BNC2: variants seen among roughly 807,000 people sequenced by gnomAD.
The protein encoded by BNC2 is basonuclin zinc finger protein 2.
Under a neutral mutation model 76.3 loss-of-function variants are expected in BNC2, and 20 were observed. The ratio of observed to expected loss-of-function variants is 0.26; its 90% CI spans 0.18 to 0.38. The LOEUF is 0.38. Ranked by LOEUF, BNC2 falls within the 10% of genes least tolerant of loss-of-function variation. BNC2 has a pLI of 1.00. For missense variants in BNC2, 1,382 were observed against 1,399.8 expected, an observed-to-expected ratio of 0.99 and a Z score of 0.20; for synonymous variants, 582 against 514.8, an observed-to-expected ratio of 1.13 and a Z score of -1.77.
At chr9:16,800,855 T>G (rs1016529906) in intron 1 of BNC2, among the ~76,000 whole-genome samples, 11 of 152,168 alleles carry the variant, frequency 7.2e-5, no homozygotes, top group African/African-American at 2.7e-4. Flanking sequence ...GTTTCTAAGA[T>G]AGTTGTCTTT....
At chr9:16,482,201 AAAGAAT>A (rs1435649403) in intron 5 of BNC2, among the ~76,000 whole-genome samples, 1 of 152,216 alleles carries the variant, frequency 6.6e-6, no homozygotes, top group African/African-American at 2.4e-5. Flanking sequence ...AATGTTTTCA[AAAGAAT>A]AAGTTTAATC....
At chr9:16,652,020 C>G (rs947849595) in intron 3 of BNC2, among the ~76,000 whole-genome samples, 1 of 152,148 alleles carries the variant, frequency 6.6e-6, no homozygotes, top group Non-Finnish European at 1.5e-5. Flanking sequence ...TGTTCCTCAG[C>G]TCCCATTTTA....
chr9:16,627,176 C>T (rs573004533), intron 3 of BNC2, among the ~76,000 whole-genome samples: 2 of 152,218 alleles, frequency 1.3e-5, no homozygotes, highest in African/African-American at 2.4e-5. Context: ...GAGGCATGAA[C>T]GGTGCAGAAC....
At chr9:16,832,332 C>T (rs1818595194) in intron 1 of BNC2, 2 of 1,262,480 alleles carry the variant, frequency 1.6e-6, no homozygotes, top group Non-Finnish European at 2.0e-6. Flanking sequence ...GCACAGAATT[C>T]CAGAGAAAAC....
intron 3 of BNC2, among the ~76,000 whole-genome samples, chr9:16,653,744 G>A (rs915479253): frequency 1.3e-5 from 2 of 152,160 alleles, no homozygotes; most frequent in African/African-American, 2.4e-5. Context: ...TGCTAGGTCT[G>A]ACAGTCTCTG....
At chr9:16,832,634 T>C (rs968464140) in intron 1 of BNC2, among the ~76,000 whole-genome samples, 23 of 152,116 alleles carry the variant, frequency 1.5e-4, no homozygotes, top group African/African-American at 5.3e-4. Flanking sequence ...ATTCCCAAAA[T>C]ACATATTTTT....
At chr9:16,535,434 C>G (rs1372609719) in intron 5 of BNC2, among the ~76,000 whole-genome samples, 1 of 152,126 alleles carries the variant, frequency 6.6e-6, no homozygotes, top group African/African-American at 2.4e-5. Flanking sequence ...TCCTAGATTC[C>G]CATATACCCA....
At chr9:16,540,128 C>T (rs1045382722) in intron 5 of BNC2, among the ~76,000 whole-genome samples, 4 of 151,206 alleles carry the variant, frequency 2.6e-5, no homozygotes, top group African/African-American at 9.7e-5. Context: ...TGTATCTGAC[C>T]CCCGCAACCA....
At chr9:16,736,190 C>T (rs1283723888) in intron 2 of BNC2, among the ~76,000 whole-genome samples, 16 of 149,004 alleles carry the variant, frequency 1.1e-4, no homozygotes, top group South Asian at 2.1e-4. Flanking sequence ...CCCAAGATCG[C>T]GCCACTGCAC....
intron 1 of BNC2, among the ~76,000 whole-genome samples, chr9:16,797,944 G>A (rs1817697014): frequency 6.6e-6 from 1 of 152,024 alleles, no homozygotes; most frequent in South Asian, 2.1e-4. Context: ...TTTTCATCTG[G>A]CTCTGATCCC....
At chr9:16,768,367 A>G (rs555055143) in intron 1 of BNC2, among the ~76,000 whole-genome samples, 44 of 152,300 alleles carry the variant, frequency 2.9e-4, no homozygotes, top group African/African-American at 9.4e-4. Flanking sequence ...CCTTAAATCA[A>G]TCTTCCTATT....
At chr9:16,491,685 T>C (rs1822283197) in intron 5 of BNC2, among the ~76,000 whole-genome samples, 2 of 152,196 alleles carry the variant, frequency 1.3e-5, no homozygotes, top group Non-Finnish European at 2.9e-5. Context: ...CAGCTGAAGA[T>C]ATGCATCATA....
At chr9:16,811,229 C>G (rs1260293125) in intron 1 of BNC2, among the ~76,000 whole-genome samples, 1 of 18,628 alleles carries the variant, frequency 5.4e-5, no homozygotes, top group Admixed American at 5.8e-4. Context: ...TCTCAAAAGA[C>G]CAAAAAAAAA....
At chr9:16,582,888 A>AACAGAC in intron 4 of BNC2, 95 bp downstream of exon 4, 3 of 699,638 alleles carry the variant, frequency 4.3e-6, no homozygotes, top group Non-Finnish European at 6.7e-6. Context: ...GACTCCTCTA[A>AACAGAC]ACAGACACAC....
At chr9:16,563,669 A>T (rs1819080459) in intron 4 of BNC2, among the ~76,000 whole-genome samples, 2 of 152,226 alleles carry the variant, frequency 1.3e-5, no homozygotes, top group South Asian at 4.1e-4. Flanking sequence ...CAAACCTCCT[A>T]GTCCCATGTA....
intron 4 of BNC2, among the ~76,000 whole-genome samples, chr9:16,575,773 G>T (rs1306730917): frequency 1.3e-5 from 2 of 152,132 alleles, no homozygotes. Flanking sequence ...GAAGAAAAAA[G>T]TCCAAGGACT....
intron 3 of BNC2, among the ~76,000 whole-genome samples, chr9:16,726,476 T>C (rs1044523814): frequency 1.4e-5 from 2 of 146,146 alleles, no homozygotes; most frequent in Non-Finnish European, 3.0e-5. Context: ...GCCTGGCAAA[T>C]TGTTTTTTTT....
chr9:16,762,877 C>G (rs967583944), intron 1 of BNC2, among the ~76,000 whole-genome samples: 4 of 152,164 alleles, frequency 2.6e-5, no homozygotes, highest in African/African-American at 9.7e-5. Context: ...TTATACCTTA[C>G]TTAAAGTGCT....
At chr9:16,776,866 C>A (rs900884931) in intron 1 of BNC2, among the ~76,000 whole-genome samples, 1 of 152,164 alleles carries the variant, frequency 6.6e-6, no homozygotes, top group African/African-American at 2.4e-5. Context: ...TGGCTCACAT[C>A]TGTAATCCCA....
Sources: allele counts gnomAD v4.1 joint callset (sites outside exome capture counted in the v4.1 genomes callset), GRCh38; gene constraint gnomAD v4.1.1; transcripts MANE v1.5; gene names NCBI Gene and HGNC (gene_info 2026-07-23, HGNC 2026-07-21).